Variants in HACD2 observed in about 807,000 individuals in gnomAD.
HACD2 encodes 3-hydroxyacyl-CoA dehydratase 2.
Under a neutral mutation model 31.0 loss-of-function variants are expected in HACD2, and 15 were observed. That is an observed-to-expected ratio of 0.48 (90% CI 0.32 to 0.75). The LOEUF (loss-of-function observed/expected upper bound fraction) is 0.75. HACD2 is among the 30% of genes least tolerant of loss of function. The pLI, the probability that HACD2 is intolerant of heterozygous loss-of-function variation, is 0.03. For missense variants in HACD2, 283 were observed against 313.0 expected (o/e 0.90, Z 0.72); for synonymous variants, 115 against 122.2 (o/e 0.94, Z 0.39).
intron 3 of HACD2, among the ~76,000 whole-genome samples, chr3:123,541,099 C>T (rs2056484851): frequency 6.6e-6 from 1 of 152,054 alleles, no homozygotes; most frequent in Admixed American, 6.6e-5. Flanking sequence ...GATGAAACCC[C>T]ATCTTTGCTA....
intron 4 of HACD2, 131 bp downstream of exon 4, chr3:123,528,255 T>C: frequency 1.6e-6 from 1 of 643,386 alleles, no homozygotes; most frequent in East Asian, 2.6e-5. Context: ...GAATGTGAGC[T>C]TTATCTCAGC....
intron 3 of HACD2, among the ~76,000 whole-genome samples, chr3:123,535,235 T>C (rs1485460215): frequency 6.6e-6 from 1 of 152,120 alleles, no homozygotes; most frequent in Non-Finnish European, 1.5e-5. Flanking sequence ...TATGTGTAGA[T>C]ACACAAATAC....
intron 3 of HACD2, chr3:123,543,684 C>A: frequency 2.4e-6 from 1 of 420,900 alleles, no homozygotes. Flanking sequence ...TGTCAGAATC[C>A]AAATGATAGC....
rs755286229 is a variant in HACD2, at chr3:123,585,036, C to A, written c.-9G>T. 2 of 1,473,060 alleles carry A rather than the reference C, an allele frequency of 1.4e-6. No individual in the cohort carries two copies. Among genetic ancestry groups the A allele is most frequent in the Admixed American group, 2.4e-5 (1 of 40,982 alleles). The allele number at this position is 1,473,060 out of a possible 1,614,324, so 91.2% of individuals were successfully genotyped here. Reference sequence around the variant, plus strand: ...GCCGCCACTGCCGCCATGTCAAGTGCCCGAAGCCCGCTCTCCTAGCGCGAG... The same window carrying A: ...GCCGCCACTGCCGCCATGTCAAGTGACCGAAGCCCGCTCTCCTAGCGCGAG... On this transcript the variant is annotated 5_prime_UTR_variant, in exon 1 of 7. Coordinates refer to ENST00000383657, the MANE Select transcript of HACD2 (RefSeq NM_198402.5).
Position 123,517,911 on chromosome 3 carries a change from GGCC to G in HACD2, c.381+10472_381+10474del, listed in dbSNP as rs2056166597. On this transcript the variant is annotated intron_variant, in intron 4 of 6. Coordinates refer to ENST00000383657, the MANE Select transcript of HACD2 (RefSeq NM_198402.5). ...TTGTACAGTGCTTTAAAAATATTTGGGCCGGGCGCGGTGGCTCACGCCTGTAAT... is the reference window on the plus strand; with the variant it reads ...TTGTACAGTGCTTTAAAAATATTTGGGGGCGCGGTGGCTCACGCCTGTAAT... 3.0e-4 allele frequency among the ~76,000 whole-genome samples: 2 copies of G among 6,642 alleles called. 1 individual carries two copies. Among genetic ancestry groups the G allele is most frequent in the Non-Finnish European group, 7.6e-4 (2 of 2,640 alleles). The allele number at this position is 6,642 out of a possible 152,430, so 4.4% of individuals were successfully genotyped here. A position where few individuals can be genotyped will look rare whatever the true frequency, so the allele number is the denominator to read the frequency against.
At chr3:123,541,427 G>C (rs1324619785) in intron 3 of HACD2, among the ~76,000 whole-genome samples, 1 of 152,170 alleles carries the variant, frequency 6.6e-6, no homozygotes, top group Non-Finnish European at 1.5e-5. Flanking sequence ...ACTCCTATTG[G>C]CAATGTTCCT....
intron 4 of HACD2, among the ~76,000 whole-genome samples, chr3:123,512,837 G>T (rs1350919027): frequency 6.6e-6 from 1 of 152,164 alleles, no homozygotes; most frequent in Non-Finnish European, 1.5e-5. Flanking sequence ...GTGTATATGT[G>T]TGTGTATGTG....
intron 4 of HACD2, among the ~76,000 whole-genome samples, chr3:123,523,057 GA>G: frequency 6.6e-6 from 1 of 152,184 alleles, no homozygotes; most frequent in Non-Finnish European, 1.5e-5. Flanking sequence ...AGCTATCAGG[GA>G]TAACACAGAA....
chr3:123,506,834 G>T (rs1199824033), intron 4 of HACD2, among the ~76,000 whole-genome samples: 1 of 152,198 alleles, frequency 6.6e-6, no homozygotes, highest in Non-Finnish European at 1.5e-5. Flanking sequence ...CCTCAGAGAA[G>T]TAAGAAAAGC....
intron 3 of HACD2, among the ~76,000 whole-genome samples, chr3:123,535,994 A>G (rs2056420784): frequency 2.0e-5 from 3 of 152,264 alleles, no homozygotes; most frequent in Admixed American, 2.0e-4. Context: ...ATTCAGAGAT[A>G]AAGTATATAA....
Position 123,546,775 on chromosome 3 carries a change from C to T in HACD2, c.293-18301G>A, listed in dbSNP as rs114110192. Among the ~76,000 whole-genome samples the T allele has an allele frequency of 4.3e-3, 660 of 152,294 alleles. 4 individuals carry two copies. The highest frequency in any genetic ancestry group is 0.015 in the African/African-American group (642 of 41,568). ...AATGAACTCAATATCTGAAGAGAATCTGGGTGGACTTAAGAAGTCAAACCA... is the reference window on the plus strand; with the variant it reads ...AATGAACTCAATATCTGAAGAGAATTTGGGTGGACTTAAGAAGTCAAACCA... On this transcript the variant is annotated intron_variant, in intron 3 of 6. Transcript: ENST00000383657.
chr3:123,542,897 C>T (rs1436472440), intron 3 of HACD2, among the ~76,000 whole-genome samples: 6 of 152,154 alleles, frequency 3.9e-5, no homozygotes, highest in Non-Finnish European at 2.9e-5. Flanking sequence ...CAGAAAGAAT[C>T]GTTAAAATGG....
At chr3:123,532,697 G>A (rs1042204682) in intron 3 of HACD2, among the ~76,000 whole-genome samples, 8 of 151,912 alleles carry the variant, frequency 5.3e-5, no homozygotes, top group Non-Finnish European at 8.8e-5. Flanking sequence ...TTAGCCGGGC[G>A]TGGTGGCAGT....
At chr3:123,502,713 C>A (rs749774166) in intron 4 of HACD2, 32 bp from the exon 5 acceptor site, 4 of 1,569,188 alleles carry the variant, frequency 2.5e-6, no homozygotes, top group South Asian at 2.3e-5. Flanking sequence ...AGAAAAAAAA[C>A]ACACAGACAA....
rs551524227 is a variant in HACD2, at chr3:123,500,680, T to C, written c.517A>G (p.Ile173Val). 4 of 1,598,354 alleles carry C rather than the reference T, an allele frequency of 2.5e-6. No individual in the cohort carries two copies. The South Asian group carries it at 4.6e-5, about 18-fold the overall frequency. ...LIKWARYTLFIVLYPMGVSGE... is the reference protein window; with the variant it reads ...LIKWARYTLFVVLYPMGVSGE... ...GACACTCCCATTGGGTACAGCACAATGAAAAGTGTGTACCTAAAACAAAAC... is the reference window on the plus strand; with the variant it reads ...GACACTCCCATTGGGTACAGCACAACGAAAAGTGTGTACCTAAAACAAAAC... Residue 173 changes from isoleucine to valine, a missense_variant, in exon 6 of 7, where the codon ATT becomes GTT. By Grantham distance (29) the Ile-to-Val change is conservative (BLOSUM62 3). Coordinates refer to ENST00000383657, the MANE Select transcript of HACD2 (RefSeq NM_198402.5).
chr3:123,511,804 C>G (rs2107690235), intron 4 of HACD2, among the ~76,000 whole-genome samples: 1 of 152,306 alleles, frequency 6.6e-6, no homozygotes, highest in Admixed American at 6.5e-5. Flanking sequence ...TTTGGCCCTC[C>G]TATCGGTTAG....
intron 3 of HACD2, among the ~76,000 whole-genome samples, chr3:123,530,832 G>A (rs367965263): frequency 7.2e-5 from 11 of 152,022 alleles, no homozygotes; most frequent in African/African-American, 1.4e-4. Context: ...GATTACAGGC[G>A]TGAGCCCCCA....
intron 4 of HACD2, 130 bp downstream of exon 4, chr3:123,528,256 T>A: frequency 1.6e-6 from 1 of 644,252 alleles, no homozygotes; most frequent in Non-Finnish European, 2.8e-6. Context: ...AATGTGAGCT[T>A]TATCTCAGCT....
At chr3:123,510,323 C>A (rs913825147) in intron 4 of HACD2, among the ~76,000 whole-genome samples, 2 of 152,242 alleles carry the variant, frequency 1.3e-5, no homozygotes, top group African/African-American at 4.8e-5. Flanking sequence ...TCTCGGCTCA[C>A]TGAAACCTCC....
Sources: allele counts gnomAD v4.1 joint callset (sites outside exome capture counted in the v4.1 genomes callset), GRCh38; gene constraint gnomAD v4.1.1; transcripts MANE v1.5; gene names NCBI Gene and HGNC (gene_info 2026-07-23, HGNC 2026-07-21).